PKP1: variants seen among roughly 807,000 people sequenced by gnomAD.
The protein encoded by PKP1 is plakophilin-1.
Under a neutral mutation model 76.4 loss-of-function variants are expected in PKP1, and 27 were observed. The observed-to-expected ratio is 0.35, with a 90% confidence interval of 0.26 to 0.49. The LOEUF (loss-of-function observed/expected upper bound fraction) is 0.49, where lower values mean the gene tolerates loss of function less well. PKP1 is among the 20% of genes least tolerant of loss of function. PKP1 has a pLI of 0.99. For synonymous variants in PKP1, 404 were observed against 384.2 expected (o/e 1.05, Z -0.60); for missense variants, 964 against 955.2 (o/e 1.01, Z -0.12).
At chr1:201,310,558 G>A (rs1367329003) in intron 2 of PKP1, among the ~76,000 whole-genome samples, 2 of 152,230 alleles carry the variant, frequency 1.3e-5, no homozygotes, top group African/African-American at 2.4e-5. Flanking sequence ...TGTGCAGGGA[G>A]AGCTGGTGGC....
intron 2 of PKP1, among the ~76,000 whole-genome samples, chr1:201,297,143 T>A (rs1880447): frequency 0.13 from 19,186 of 152,208 alleles, 1,431 homozygotes; most frequent in African/African-American, 0.2. Flanking sequence ...ACAAATTGAA[T>A]GTAGAGAGAC....
chr1:201,309,734 G>T (rs1772847), intron 2 of PKP1, among the ~76,000 whole-genome samples: 22,401 of 152,152 alleles, frequency 0.15, 1,826 homozygotes, highest in East Asian at 0.19. Flanking sequence ...CTGCTCTCTC[G>T]GGACCTGGAA....
rs1025344379 is a variant in PKP1, at chr1:201,286,541, C to T, written c.202+2637C>T. On this transcript the variant is annotated intron_variant, in intron 1 of 13. Coordinates refer to ENST00000367324, the MANE Select transcript of PKP1 (RefSeq NM_001005337.3). ...GGACTGGAGGAAGGGCCCCTGGAGCCTGTCACAAAATGCCTGTCTGCACTC... is the reference window on the plus strand; with the variant it reads ...GGACTGGAGGAAGGGCCCCTGGAGCTTGTCACAAAATGCCTGTCTGCACTC... 5.3e-5 allele frequency among the ~76,000 whole-genome samples: 8 copies of T among 152,182 alleles called. No homozygotes were observed. In the South Asian group the frequency reaches 1.7e-3, roughly 32 times the overall value.
At position 201,313,176 on chromosome 1, in the gene PKP1, G is replaced by C. The variant is rs1218704370; in HGVS notation, c.317G>C (p.Gly106Ala). The C allele has an allele frequency of 6.2e-7, 1 of 1,609,880 alleles. No homozygotes were observed. Among genetic ancestry groups the C allele is most frequent in the Non-Finnish European group, 8.5e-7 (1 of 1,178,574 alleles). ...NGSWGYPIYN[G>A]TLKREPDNRR... ...CCTTTCCCTGGCCAGATCTACAATG[G>C]AACCCTCAAGCGGGAGCCTGACAAC... The change falls in exon 3 of 14, where the codon GGA becomes GCA. Residue 106 changes from glycine (G) to alanine (A), a missense_variant. By Grantham distance (60) the Gly-to-Ala change is moderately conservative (BLOSUM62 0). Coordinates refer to ENST00000367324, the MANE Select transcript of PKP1 (RefSeq NM_001005337.3).
Position 201,294,029 on chromosome 1 carries a change from G to C in PKP1, c.290G>C (p.Gly97Ala), listed in dbSNP as rs762914218. 16 of 1,610,680 alleles carry C rather than the reference G, an allele frequency of 9.9e-6. No individual in the cohort carries two copies. The South Asian group carries it at 1.6e-4, about 17-fold the overall frequency. Residue 97 changes from glycine (G) to alanine (A), a missense_variant, in exon 2 of 14, where the codon GGC (glycine) becomes GCC (alanine). By Grantham distance (60) the Gly-to-Ala change is moderately conservative (BLOSUM62 0). Coordinates refer to ENST00000367324, the MANE Select transcript of PKP1 (RefSeq NM_001005337.3). ...TACTCCAAGTTCCAGGCAGGGAATG[G>C]CTCATGGGGATATCCGGTAAGGAAC... The part of the protein sequence containing the change: ...SYYSKFQAGN[G>A]SWGYPIYNGT...
At chr1:201,284,895 G>C (rs539873783) in intron 1 of PKP1, among the ~76,000 whole-genome samples, 1 of 152,256 alleles carries the variant, frequency 6.6e-6, no homozygotes, top group African/African-American at 2.4e-5. Flanking sequence ...CCATGACTGG[G>C]GGAACCTGGG....
Position 201,316,587 on chromosome 1 carries a change from A to T in PKP1, c.736A>T (p.Thr246Ser), listed in dbSNP as rs758060401. The change falls in exon 4 of 14, where the codon ACC (threonine) becomes TCC (serine). Residue 246 changes from threonine (T) to serine (S), a missense_variant. Transcript: ENST00000367324. ...TGAGGACATCGAGTGCAGTGGGCTG[A>T]CCATCCCCAAGGCTGTGCAGTACCT... The part of the protein sequence containing the change: ...CSEDIECSGL[T>S]IPKAVQYLSS... The T allele has an allele frequency of 1.9e-6, 3 of 1,611,632 alleles. No individual in the cohort carries two copies. Among genetic ancestry groups the T allele is most frequent in the Non-Finnish European group, 1.7e-6 (2 of 1,178,960 alleles).
chr1:201,328,353 A>G (rs2102189556), intron 12 of PKP1: 1 of 331,266 alleles, frequency 3.0e-6, no homozygotes, highest in South Asian at 2.6e-5. Context: ...AACAATGGGC[A>G]TGTCCTCTCT....
At chr1:201,312,145 C>T (rs1455071424) in intron 2 of PKP1, among the ~76,000 whole-genome samples, 3 of 152,232 alleles carry the variant, frequency 2.0e-5, no homozygotes, top group African/African-American at 7.2e-5. Context: ...CACGCAGGCC[C>T]CTAGCTCACA....
intron 13 of PKP1, among the ~76,000 whole-genome samples, chr1:201,329,861 G>A: frequency 6.6e-6 from 1 of 152,166 alleles, no homozygotes; most frequent in Non-Finnish European, 1.5e-5. Flanking sequence ...AAGACGGTGG[G>A]CAGGGGACAC....
rs533050533 is a variant in PKP1, at chr1:201,286,964, C to T, written c.202+3060C>T. 3.9e-5 allele frequency among the ~76,000 whole-genome samples: 6 copies of T among 152,218 alleles called. No individual in the cohort carries two copies. In the South Asian group the frequency reaches 6.2e-4, roughly 16 times the overall value. On this transcript the variant is annotated intron_variant, in intron 1 of 13. Coordinates refer to ENST00000367324, the MANE Select transcript of PKP1 (RefSeq NM_001005337.3). ...TGAATCTCACTTGCCCTAACCCAAGCGCTCCCCCGCCACTGTGAATACAGA... is the reference window on the plus strand; with the variant it reads ...TGAATCTCACTTGCCCTAACCCAAGTGCTCCCCCGCCACTGTGAATACAGA...
Position 201,313,205 on chromosome 1 carries a change from C to T in PKP1, c.346C>T (p.Arg116Cys), listed in dbSNP as rs536458815. Residue 116 changes from arginine (R) to cysteine (C), a missense_variant, in exon 3 of 14, where the codon CGC becomes TGC. Coordinates refer to ENST00000367324, the MANE Select transcript of PKP1 (RefSeq NM_001005337.3). The part of the protein sequence containing the change: ...GTLKREPDNR[R>C]FSSYSQMENW... ...CCTCAAGCGGGAGCCTGACAACAGG[C>T]GCTTCAGCTCCTACAGCCAGATGGA... is the stretch of plus-strand genomic sequence containing the variant. 241 of 1,606,462 alleles carry T rather than the reference C, an allele frequency of 1.5e-4. 3 individuals carry two copies. The South Asian group carries it at 2.3e-3, about 15-fold the overall frequency.
intron 1 of PKP1, among the ~76,000 whole-genome samples, chr1:201,285,991 C>T (rs968287170): frequency 5.9e-5 from 9 of 152,244 alleles, no homozygotes; most frequent in African/African-American, 2.2e-4. Context: ...CAGAGGCATC[C>T]TTGCTGGAAG....
chr1:201,323,501 C>T (rs958733007), intron 9 of PKP1, among the ~76,000 whole-genome samples: 5 of 152,058 alleles, frequency 3.3e-5, no homozygotes, highest in African/African-American at 1.2e-4. Context: ...GGGAATGCGG[C>T]GGAGAAGGTG....
intron 1 of PKP1, among the ~76,000 whole-genome samples, chr1:201,292,095 G>A (rs925559768): frequency 6.6e-6 from 1 of 152,190 alleles, no homozygotes; most frequent in Non-Finnish European, 1.5e-5. Flanking sequence ...GCTAGGCCTG[G>A]AGTATAGGGG....
At chr1:201,323,487 G>A (rs1657011743) in intron 9 of PKP1, among the ~76,000 whole-genome samples, 2 of 152,182 alleles carry the variant, frequency 1.3e-5, no homozygotes, top group African/African-American at 4.8e-5. Context: ...TCTGCTTGAG[G>A]TCGGGGAATG....
At chr1:201,303,169 T>C (rs941646312) in intron 2 of PKP1, among the ~76,000 whole-genome samples, 1 of 152,276 alleles carries the variant, frequency 6.6e-6, no homozygotes, top group African/African-American at 2.4e-5. Context: ...TCAGTTCCAC[T>C]GCACTTATTT....
intron 6 of PKP1, among the ~76,000 whole-genome samples, chr1:201,319,464 C>T (rs1303864063): frequency 3.9e-5 from 6 of 152,200 alleles, no homozygotes; most frequent in African/African-American, 1.2e-4. Flanking sequence ...CTGAGAATCC[C>T]CCCAGAGTGG....
intron 8 of PKP1, among the ~76,000 whole-genome samples, chr1:201,322,428 T>C (rs1656975947): frequency 6.6e-6 from 1 of 152,138 alleles, no homozygotes; most frequent in Non-Finnish European, 1.5e-5. Context: ...GTATAGTGGG[T>C]CAAGTCTCCC....
Sources: gnomAD v4.1 joint callset for allele counts (sites outside exome capture counted in the v4.1 genomes callset) on GRCh38, gnomAD v4.1.1 for gene constraint, MANE v1.5 for transcripts, NCBI Gene and HGNC (gene_info 2026-07-23, HGNC 2026-07-21) for gene names.